The following PCDHA10 variants were observed in gnomAD, a reference collection of about 807,000 sequenced individuals.
PCDHA10 encodes the protein protocadherin alpha-10.
A neutral mutation model predicts 61.2 loss-of-function variants in PCDHA10; 45 were observed. The observed-to-expected ratio is 0.74, with a 90% CI of 0.58 to 0.94. The LOEUF (loss-of-function observed/expected upper bound fraction) is 0.94, where lower values mean the gene tolerates loss of function less well. Ranked by LOEUF, PCDHA10 falls within the 40% of genes least tolerant of loss-of-function variation. PCDHA10 has a pLI of 0.00. For synonymous variants in PCDHA10, 602 were observed against 548.8 expected (o/e 1.10, Z -1.35); for missense variants, 1,278 against 1,236.2 (o/e 1.03, Z -0.51).
chr5:140,979,405 C>A (rs2096849045), intron 2 of PCDHA10, among the ~76,000 whole-genome samples: 1 of 151,828 alleles, frequency 6.6e-6, no homozygotes, highest in Non-Finnish European at 1.5e-5. Flanking sequence ...TGTTGTCTAC[C>A]TTGTTTTTTT....
chr5:140,981,498 T>C (rs1299157295), intron 2 of PCDHA10, among the ~76,000 whole-genome samples: 1 of 152,146 alleles, frequency 6.6e-6, no homozygotes, highest in African/African-American at 2.4e-5. Context: ...TGCTTGAACC[T>C]GGGAGGCAGA....
chr5:140,911,509 A>G (rs1378667100), intron 1 of PCDHA10, among the ~76,000 whole-genome samples: 1 of 152,214 alleles, frequency 6.6e-6, no homozygotes, highest in Admixed American at 6.5e-5. Flanking sequence ...GAGGTTCAGT[A>G]TCTGCTTCTG....
chr5:140,929,440 CCTT>C, intron 1 of PCDHA10: 2 of 1,448,524 alleles, frequency 1.4e-6, no homozygotes, highest in Non-Finnish European at 1.8e-6. Flanking sequence ...ACTAAACACT[CCTT>C]CTTAGCACTT....
intron 1 of PCDHA10, among the ~76,000 whole-genome samples, chr5:140,921,992 C>A (rs963694302): frequency 6.6e-6 from 1 of 151,842 alleles, no homozygotes; most frequent in South Asian, 2.1e-4. Context: ...AAAAAGAGTT[C>A]AATGAAATGA....
At chr5:140,950,548 G>T (rs1363394631) in intron 1 of PCDHA10, among the ~76,000 whole-genome samples, 2 of 151,990 alleles carry the variant, frequency 1.3e-5, no homozygotes, top group African/African-American at 4.8e-5. Context: ...TTGCATGGCT[G>T]GGGGGACACT....
chr5:140,886,927 G>T (rs1191029252), intron 1 of PCDHA10, among the ~76,000 whole-genome samples: 1 of 151,236 alleles, frequency 6.6e-6, no homozygotes, highest in Non-Finnish European at 1.5e-5. Flanking sequence ...TTCTCTATGT[G>T]CCAGGCATGT....
At chr5:140,926,590 G>A (rs2083383863) in intron 1 of PCDHA10, 1 of 296,754 alleles carries the variant, frequency 3.4e-6, no homozygotes, top group Non-Finnish European at 6.1e-6. Context: ...CTCGCGCCCG[G>A]GCGGGCGGCC....
rs200630375 is a variant in PCDHA10, at chr5:140,857,325, C to A, written c.1277C>A (p.Ala426Glu). 1.8e-5 allele frequency: 28 copies of A among 1,598,630 alleles called. 3 individuals are homozygous for A. The highest frequency in any genetic ancestry group is 3.4e-5 in the Admixed American group (2 of 59,352). Reference protein sequence around the residue: ...RVSAYELVVTARDGGSPPLWA... With the variant: ...RVSAYELVVTERDGGSPPLWA... Reference sequence around the variant, plus strand: ...TCGGCCTATGAGCTGGTGGTGACCGCGCGGGACGGGGGCTCGCCTCCGCTG... The same window carrying A: ...TCGGCCTATGAGCTGGTGGTGACCGAGCGGGACGGGGGCTCGCCTCCGCTG... The change falls in exon 1 of 4, where the codon GCG becomes GAG. Residue 426 changes from alanine (A) to glutamate (E), a missense_variant. Transcript: ENST00000307360.
chr5:140,876,774 G>T (rs370558767), intron 1 of PCDHA10: 28 of 1,614,110 alleles, frequency 1.7e-5, no homozygotes, highest in Non-Finnish European at 2.3e-5. Flanking sequence ...GCTCGCCTTC[G>T]CTGTGGGCCA....
chr5:140,856,781 G>C lies in PCDHA10; in HGVS notation c.733G>C (p.Val245Leu). 6.3e-7 allele frequency: 1 copy of C among 1,596,356 alleles called. No individual in the cohort carries two copies. The highest frequency in any genetic ancestry group is 1.1e-5 in the South Asian group (1 of 90,512). ...TAACGCCCCTATCTTTGACAGACCG[G>C]TTTATGAAGTTAAGATGTATGAAAA... ...NDNAPIFDRPVYEVKMYENQV... is the reference protein window; with the variant it reads ...NDNAPIFDRPLYEVKMYENQV... The change falls in exon 1 of 4, where the codon GTT becomes CTT. Residue 245 changes from valine to leucine, a missense_variant. Physicochemically the swap from Val to Leu is conservative, Grantham distance 32. Coordinates refer to ENST00000307360, the MANE Select transcript of PCDHA10 (RefSeq NM_018901.4).
chr5:140,909,341 T>C (rs2074443719), intron 1 of PCDHA10, among the ~76,000 whole-genome samples: 1 of 152,222 alleles, frequency 6.6e-6, no homozygotes, highest in African/African-American at 2.4e-5. Context: ...GCATACCAGG[T>C]ACCAAGAGAT....
chr5:140,960,188 G>A (rs1371016387), intron 1 of PCDHA10, among the ~76,000 whole-genome samples: 7 of 152,132 alleles, frequency 4.6e-5, no homozygotes, highest in Non-Finnish European at 7.4e-5. Flanking sequence ...GGTTGCATGT[G>A]TAGTGGTCAG....
chr5:140,876,356 T>C, intron 1 of PCDHA10: 1 of 1,613,964 alleles, frequency 6.2e-7, no homozygotes. Flanking sequence ...ATGTTTTCAA[T>C]AAATCCAGAC....
At chr5:140,982,092 G>A (rs984553109) in intron 2 of PCDHA10, among the ~76,000 whole-genome samples, 1 of 152,218 alleles carries the variant, frequency 6.6e-6, no homozygotes, top group African/African-American at 2.4e-5. Context: ...CTAGGAACAA[G>A]AGAACCTGCA....
chr5:140,870,264 G>C (rs1554163970), intron 1 of PCDHA10: 1 of 1,614,166 alleles, frequency 6.2e-7, no homozygotes, highest in South Asian at 1.1e-5. Context: ...TGACCTGCTC[G>C]CTGACGCCCC....
chr5:140,946,363 A>T (rs2093934761), intron 1 of PCDHA10, among the ~76,000 whole-genome samples: 1 of 151,892 alleles, frequency 6.6e-6, no homozygotes, highest in African/African-American at 2.4e-5. Flanking sequence ...AGAAAAGGGA[A>T]CTCTTGCACA....
intron 1 of PCDHA10, among the ~76,000 whole-genome samples, chr5:140,935,745 T>C (rs564797649): frequency 6.6e-6 from 1 of 152,324 alleles, no homozygotes; most frequent in South Asian, 2.1e-4. Flanking sequence ...TATTATTCCA[T>C]ACAATACACA....
At chr5:140,882,561 G>A in intron 1 of PCDHA10, 2 of 1,614,222 alleles carry the variant, frequency 1.2e-6, no homozygotes, top group Non-Finnish European at 1.7e-6. Flanking sequence ...CTGTGTGGGC[G>A]GAGCGCGGAG....
Position 140,932,248 on chromosome 5 carries a change from T to C in PCDHA10, c.2389-46701T>C, listed in dbSNP as rs1424091954. Among the ~76,000 whole-genome samples the C allele has an allele frequency of 2.6e-5, 4 of 152,016 alleles. No individual in the cohort carries two copies. In the East Asian group the frequency reaches 7.7e-4, roughly 29 times the overall value. On this transcript the variant is annotated intron_variant, in intron 1 of 3. Coordinates refer to ENST00000307360, the MANE Select transcript of PCDHA10 (RefSeq NM_018901.4). ...TTTTTTAGAATGGTATCTAAGAGGG[T>C]ACCTCTGAGATATAAATTTCTACTT... is the stretch of plus-strand genomic sequence containing the variant.
Sources: gnomAD v4.1 joint callset for allele counts (sites outside exome capture counted in the v4.1 genomes callset) on GRCh38, gnomAD v4.1.1 for gene constraint, MANE v1.5 for transcripts, NCBI Gene and HGNC (gene_info 2026-07-23, HGNC 2026-07-21) for gene names.